COG5: variants seen among roughly 807,000 people sequenced by gnomAD.
COG5 encodes component of oligomeric golgi complex 5.
In COG5, 86 loss-of-function variants were observed where a neutral mutation model predicts 110.4. The observed-to-expected ratio is 0.78, with a 90% CI of 0.65 to 0.93. The LOEUF is 0.93. Among genes scored for constraint, COG5 ranks in the 40% least tolerant of loss-of-function variants. COG5 has a pLI of 0.00. For missense variants in COG5, 1,077 were observed against 987.0 expected (o/e 1.09, Z -1.22); for synonymous variants, 360 against 334.6 (o/e 1.08, Z -0.83).
chr7:107,518,392 G>T (rs1800092639), intron 6 of COG5, among the ~76,000 whole-genome samples: 1 of 152,022 alleles, frequency 6.6e-6, no homozygotes, highest in Non-Finnish European at 1.5e-5. Context: ...AAGATCAACT[G>T]ATGAGCTATA....
chr7:107,468,275 C>G (rs1196224727), intron 6 of COG5, among the ~76,000 whole-genome samples: 1 of 152,114 alleles, frequency 6.6e-6, no homozygotes, highest in Non-Finnish European at 1.5e-5. Flanking sequence ...TGGGGATATT[C>G]TGATGATAAA....
intron 6 of COG5, among the ~76,000 whole-genome samples, chr7:107,490,339 C>T (rs902032619): frequency 1.4e-4 from 21 of 152,064 alleles, no homozygotes; most frequent in African/African-American, 4.8e-4. Context: ...CAGTGTCCAT[C>T]TTTAATGCAG....
At chr7:107,239,154 G>A (rs1801427674) in intron 17 of COG5, among the ~76,000 whole-genome samples, 1 of 151,932 alleles carries the variant, frequency 6.6e-6, no homozygotes, top group African/African-American at 2.4e-5. Flanking sequence ...ATGAGATAAG[G>A]GTCCAATTTC....
intron 6 of COG5, among the ~76,000 whole-genome samples, chr7:107,505,346 G>C (rs1798916771): frequency 6.6e-6 from 1 of 152,124 alleles, no homozygotes; most frequent in African/African-American, 2.4e-5. Context: ...CCAGAGGGAG[G>C]GACTGGAGCC....
Position 107,210,348 on chromosome 7 carries a change from C to T in COG5, c.2375+178G>A, listed in dbSNP as rs796630255. Reference sequence around the variant, plus strand: ...TGAAAGAAAGCAAAAGATGTTGTGGCCAACATTTCCAACTGCTGGTTGCTC... The same window carrying T: ...TGAAAGAAAGCAAAAGATGTTGTGGTCAACATTTCCAACTGCTGGTTGCTC... On this transcript the variant is annotated intron_variant, in intron 21 of 21. Coordinates refer to ENST00000297135, the MANE Select transcript of COG5 (RefSeq NM_006348.5). 20 of 1,434,738 alleles carry T rather than the reference C, an allele frequency of 1.4e-5. No homozygotes were observed. In the African/African-American group the frequency reaches 2.4e-4, roughly 17 times the overall value. The allele number at this position is 1,434,738 out of a possible 1,614,324, so 88.9% of individuals were successfully genotyped here.
At chr7:107,504,018 G>A (rs1383158269) in intron 6 of COG5, among the ~76,000 whole-genome samples, 1 of 151,852 alleles carries the variant, frequency 6.6e-6, no homozygotes, top group Non-Finnish European at 1.5e-5. Flanking sequence ...CTAGGACTAG[G>A]ACTTCCAGTA....
At chr7:107,414,703 C>CTTTTTTTTTTTTTTTTTTTTT (rs530323655) in intron 6 of COG5, among the ~76,000 whole-genome samples, 2 of 61,678 alleles carry the variant, frequency 3.2e-5, no homozygotes, top group African/African-American at 8.7e-5. Flanking sequence ...CTCACTGTCC[C>CTTTTTTTTTTTTTTTTTTTTT]TTTTTTTTTT....
intron 7 of COG5, among the ~76,000 whole-genome samples, chr7:107,375,731 T>G: frequency 6.6e-6 from 1 of 151,996 alleles, no homozygotes. Context: ...ATATTTTGGA[T>G]ACAACCACTT....
At chr7:107,489,688 T>A (rs1445702843) in intron 6 of COG5, among the ~76,000 whole-genome samples, 4 of 152,136 alleles carry the variant, frequency 2.6e-5, no homozygotes. Context: ...ACATAATAAC[T>A]ACTTATAAAG....
In COG5 at chr7:107,434,885, G is replaced by T. The variant is rs372690177; in HGVS notation, c.539-22253C>A. On this transcript the variant is annotated intron_variant, in intron 6 of 21. Transcript: ENST00000297135. ...CTTGGTAGGCTGAGGGAGGAGAATC[G>T]CTTGAACCTGGGAGGCGGAGATTGC... Among the ~76,000 whole-genome samples, 142 of 151,808 alleles carry T rather than the reference G, an allele frequency of 9.4e-4. 1 individual carries two copies. In the Middle Eastern group the frequency reaches 0.017, roughly 18 times the overall value.
intron 6 of COG5, among the ~76,000 whole-genome samples, chr7:107,414,041 T>G (rs114705451): frequency 6.6e-6 from 1 of 152,192 alleles, no homozygotes; most frequent in African/African-American, 2.4e-5. Flanking sequence ...TTCAAAGAGA[T>G]AGTATTCCTC....
chr7:107,342,582 G>A (rs1197621355), intron 10 of COG5, among the ~76,000 whole-genome samples: 2 of 151,964 alleles, frequency 1.3e-5, no homozygotes, highest in African/African-American at 4.8e-5. Flanking sequence ...GGAAGCTGAG[G>A]CAGGAGACTT....
chr7:107,391,526 C>T (rs1204739742), intron 7 of COG5, among the ~76,000 whole-genome samples: 4 of 152,094 alleles, frequency 2.6e-5, no homozygotes, highest in Non-Finnish European at 5.9e-5. Flanking sequence ...GTTACCTGTG[C>T]TTTTGGTGTC....
At chr7:107,393,357 T>C (rs1004473304) in intron 7 of COG5, among the ~76,000 whole-genome samples, 1 of 152,146 alleles carries the variant, frequency 6.6e-6, no homozygotes, top group African/African-American at 2.4e-5. Flanking sequence ...TTCACTGCAA[T>C]ACCCCATCAC....
chr7:107,527,177 G>A, intron 6 of COG5, 60 bp downstream of exon 6: 1 of 1,436,340 alleles, frequency 7.0e-7, no homozygotes, highest in Non-Finnish European at 9.3e-7. Flanking sequence ...AACCAATCAA[G>A]TGACTTAAAA....
At position 107,395,032 on chromosome 7, in the gene COG5, A is replaced by G. The variant is rs549506323; in HGVS notation, c.669+17470T>C. Among the ~76,000 whole-genome samples the G allele has an allele frequency of 4.6e-5, 7 of 152,366 alleles. No homozygotes were observed. The East Asian group carries it at 1.2e-3, about 25-fold the overall frequency. On this transcript the variant is annotated intron_variant, in intron 7 of 21. Coordinates refer to ENST00000297135, the MANE Select transcript of COG5 (RefSeq NM_006348.5). ...GTCATGAAATTCTGCAAAGTGACTCAGTTCACAAAACTCTGACTTATGATA... is the reference window on the plus strand; with the variant it reads ...GTCATGAAATTCTGCAAAGTGACTCGGTTCACAAAACTCTGACTTATGATA...
At chr7:107,307,640 TAAGTG>T (rs746860632) in intron 11 of COG5, among the ~76,000 whole-genome samples, 1 of 152,218 alleles carries the variant, frequency 6.6e-6, no homozygotes, top group Non-Finnish European at 1.5e-5. Flanking sequence ...GTCATTATTC[TAAGTG>T]TAGTAACTCA....
At chr7:107,550,073 C>T (rs1011483718) in intron 3 of COG5, among the ~76,000 whole-genome samples, 2 of 152,042 alleles carry the variant, frequency 1.3e-5, no homozygotes, top group African/African-American at 4.8e-5. Flanking sequence ...TATGCCCTAC[C>T]CCCCAACCTA....
intron 6 of COG5, among the ~76,000 whole-genome samples, chr7:107,479,681 T>C (rs981398012): frequency 6.6e-6 from 1 of 152,134 alleles, no homozygotes; most frequent in South Asian, 2.1e-4. Context: ...ATAAATTACA[T>C]TGATAACACA....
Sources: gnomAD v4.1 joint callset for allele counts (sites outside exome capture counted in the v4.1 genomes callset) on GRCh38, gnomAD v4.1.1 for gene constraint, MANE v1.5 for transcripts, NCBI Gene and HGNC (gene_info 2026-07-23, HGNC 2026-07-21) for gene names.